GFPT1: variants seen among roughly 807,000 people sequenced by gnomAD.
The protein encoded by GFPT1 is glutamine--fructose-6-phosphate transaminase 1.
In GFPT1, 40 loss-of-function variants were observed where a neutral mutation model predicts 92.0. That is an observed-to-expected ratio of 0.43 (90% CI 0.34 to 0.57). GFPT1 has a LOEUF of 0.57. GFPT1 is among the 20% of genes least tolerant of loss of function. The pLI, the probability that GFPT1 is intolerant of heterozygous loss-of-function variation, is 0.02. For missense variants in GFPT1, 448 were observed against 869.1 expected (o/e 0.52, Z 6.09); for synonymous variants, 269 against 280.6 (o/e 0.96, Z 0.41).
chr2:69,340,140 CTTT>C (rs139786418), intron 13 of GFPT1, among the ~76,000 whole-genome samples: 3,499 of 98,904 alleles, frequency 0.035, 121 homozygotes, highest in African/African-American at 0.11. Flanking sequence ...GTTGGGGCAA[CTTT>C]TTTTTTTTTT....
At position 69,374,042 on chromosome 2, in the gene GFPT1, G is replaced by C; in HGVS notation, c.79C>G (p.Leu27Val). 1.3e-6 allele frequency: 2 copies of C among 1,592,904 alleles called. No homozygotes were observed. The highest frequency in any genetic ancestry group is 1.7e-6 in the Non-Finnish European group (2 of 1,161,602). ...TATCCTCTGTACTCCAGTCTCTGAA[G>C]GCCTTTGATTAGGGTCTCCAGGATT... ...REILETLIKG[L>V]QRLEYRGYDS... Residue 27 changes from leucine (L) to valine (V), a missense_variant, in exon 2 of 20, where the codon CTT becomes GTT. This residue lies in a region of GFPT1 where 72 missense variants were observed against 95.1 expected (regional missense o/e 0.76). Coordinates refer to ENST00000357308, the MANE Select transcript of GFPT1 (RefSeq NM_001244710.2).
rs1444213251 is a variant in GFPT1 at position 69,359,292 on chromosome 2, G to A, written c.384C>T (p.Asn128=). The A allele has an allele frequency of 1.9e-6, 3 of 1,584,606 alleles. 1 individual carries two copies. The highest frequency in any genetic ancestry group is 2.2e-5 in the South Asian group (2 of 90,374). ...FIVIHNGIIT[N]YKDLKKFLES... is the part of the protein sequence containing the mutation. ...CCAAAAACTTTTTCAAGTCTTTGTA[G>A]TTGGTGATGATTCCATTGTGAATAA... Residue 128 remains asparagine, a synonymous_variant, in exon 5 of 20, where the codon AAC becomes AAT. Coordinates refer to ENST00000357308, the MANE Select transcript of GFPT1 (RefSeq NM_001244710.2).
intron 1 of GFPT1, 148 bp downstream of exon 1, chr2:69,386,917 C>T: frequency 1.4e-6 from 1 of 711,764 alleles, no homozygotes; most frequent in Non-Finnish European, 2.4e-6. Flanking sequence ...CCCCCGCCCC[C>T]GCAGCCACCA....
chr2:69,346,505 T>C (rs983291999), intron 11 of GFPT1, among the ~76,000 whole-genome samples: 8 of 152,204 alleles, frequency 5.3e-5, no homozygotes, highest in African/African-American at 1.9e-4. Context: ...CCCAAAGTGC[T>C]GGGATTACAG....
chr2:69,326,320 T>C (rs927961404), intron 19 of GFPT1, 87 bp from the exon 20 acceptor site: 1 of 816,714 alleles, frequency 1.2e-6, no homozygotes, highest in African/African-American at 1.7e-5. Context: ...ATTATTTTTG[T>C]TTATAAAAAC....
At chr2:69,326,342 C>A (rs1170871436) in intron 19 of GFPT1, 109 bp from the exon 20 acceptor site, 3 of 697,542 alleles carry the variant, frequency 4.3e-6, no homozygotes, top group African/African-American at 3.6e-5. Flanking sequence ...GAAAACAATA[C>A]ATTCATTAAC....
At chr2:69,355,061 A>C (rs956743654) in intron 7 of GFPT1, among the ~76,000 whole-genome samples, 3 of 151,986 alleles carry the variant, frequency 2.0e-5, no homozygotes, top group African/African-American at 7.3e-5. Context: ...GTTTATTTTT[A>C]TAAATAAACG....
At chr2:69,369,836 T>C (rs1466561935) in intron 3 of GFPT1, among the ~76,000 whole-genome samples, 165 bp downstream of exon 3, 1 of 152,170 alleles carries the variant, frequency 6.6e-6, no homozygotes, top group African/African-American at 2.4e-5. Context: ...TTAAAACTAG[T>C]CCAGACAGTA....
intron 3 of GFPT1, among the ~76,000 whole-genome samples, chr2:69,369,613 T>C (rs567091278): frequency 6.6e-6 from 1 of 152,324 alleles, no homozygotes; most frequent in South Asian, 2.1e-4. Flanking sequence ...ACATCCAAGC[T>C]AGGCATTTAA....
intron 3 of GFPT1, among the ~76,000 whole-genome samples, chr2:69,364,429 A>G (rs1016875723): frequency 6.6e-6 from 1 of 152,256 alleles, no homozygotes; most frequent in African/African-American, 2.4e-5. Context: ...GACAAAAACA[A>G]TTAATGTAAT....
At chr2:69,333,942 G>A (rs1322973915) in intron 15 of GFPT1, among the ~76,000 whole-genome samples, 1 of 152,172 alleles carries the variant, frequency 6.6e-6, no homozygotes, top group Non-Finnish European at 1.5e-5. Context: ...TGGATCACGT[G>A]GTCAGGAGTT....
intron 3 of GFPT1, among the ~76,000 whole-genome samples, chr2:69,366,080 C>G (rs1284459048): frequency 1.3e-5 from 2 of 152,202 alleles, no homozygotes; most frequent in African/African-American, 4.8e-5. Context: ...TCCCAAAGTG[C>G]TGGGATTACA....
chr2:69,329,579 C>G lies in GFPT1; in HGVS notation c.1597+105G>C, dbSNP rs1670611079. The G allele has an allele frequency of 1.6e-5, 16 of 972,788 alleles. 1 individual carries two copies. The South Asian group carries it at 2.1e-4, about 13-fold the overall frequency. 60.3% of individuals were successfully genotyped at this position (972,788 alleles called of 1,614,324 possible). A position where few individuals can be genotyped will look rare whatever the true frequency, so the allele number is the denominator to read the frequency against. ...TACATCGGAGCAAACGTAGAAAGAT[C>G]TTATTGACTAAATAGCTACAAGCCA... On this transcript the variant is annotated intron_variant, in intron 16 of 19. Coordinates refer to ENST00000357308, the MANE Select transcript of GFPT1 (RefSeq NM_001244710.2).
chr2:69,331,997 T>A (rs1035635133), intron 15 of GFPT1, among the ~76,000 whole-genome samples: 2 of 152,224 alleles, frequency 1.3e-5, no homozygotes, highest in African/African-American at 4.8e-5. Context: ...CAGATAACTC[T>A]TCCACATCCT....
chr2:69,356,167 T>C (rs995748865), intron 7 of GFPT1, among the ~76,000 whole-genome samples: 5 of 151,990 alleles, frequency 3.3e-5, no homozygotes, highest in South Asian at 2.1e-4. Context: ...CTAATTTTTC[T>C]ATATTTAGTA....
intron 13 of GFPT1, among the ~76,000 whole-genome samples, chr2:69,339,076 G>A (rs564629512): frequency 1.3e-5 from 2 of 152,124 alleles, no homozygotes; most frequent in Non-Finnish European, 2.9e-5. Context: ...GAGCCACTGC[G>A]CCTGGACACA....
intron 13 of GFPT1, among the ~76,000 whole-genome samples, chr2:69,340,613 A>G (rs999872477): frequency 2.0e-5 from 3 of 152,166 alleles, no homozygotes; most frequent in African/African-American, 7.2e-5. Context: ...AAGAATGATT[A>G]GAGTGTAGTC....
In GFPT1 at chr2:69,329,357, CTGA is replaced by C. The variant is rs773025738; in HGVS notation, c.1662_1664del (p.His554del). Reference sequence around the variant, plus strand: ...CTCGTCCCATTATCAGAACTGACTTCTGATGATAAAGTTCTGTTGCTAGTTTCT... The same window carrying C: ...CTCGTCCCATTATCAGAACTGACTTCTGATAAAGTTCTGTTGCTAGTTTCT... On this transcript the variant is annotated inframe_deletion, in exon 17 of 20. Coordinates refer to ENST00000357308, the MANE Select transcript of GFPT1 (RefSeq NM_001244710.2). The C allele has an allele frequency of 6.2e-7, 1 of 1,612,312 alleles. No homozygotes were observed.
intron 15 of GFPT1, among the ~76,000 whole-genome samples, chr2:69,330,716 T>G (rs1670640724): frequency 6.6e-6 from 1 of 152,198 alleles, no homozygotes; most frequent in South Asian, 2.1e-4. Context: ...GTTTTTACTG[T>G]TTTTCTTTTC....
Sources: allele counts gnomAD v4.1 joint callset (sites outside exome capture counted in the v4.1 genomes callset), GRCh38; gene constraint gnomAD v4.1.1; regional missense constraint gnomAD v4.1.1; transcripts MANE v1.5; gene names NCBI Gene and HGNC (gene_info 2026-07-23, HGNC 2026-07-21).